Variants in MPHOSPH8 observed in about 807,000 individuals in gnomAD.
MPHOSPH8 encodes the protein M-phase phosphoprotein, mpp.
MPHOSPH8 carries 45 observed loss-of-function variants against 87.3 expected under a neutral mutation model. The ratio of observed to expected loss-of-function variants is 0.52; its 90% confidence interval spans 0.41 to 0.66. The LOEUF (loss-of-function observed/expected upper bound fraction) is 0.66. Ranked by LOEUF, MPHOSPH8 falls within the 30% of genes least tolerant of loss-of-function variation. The pLI is 0.00. For synonymous variants in MPHOSPH8, 366 were observed against 376.9 expected (o/e 0.97, Z 0.33); for missense variants, 883 against 1,020.2 (o/e 0.87, Z 1.83).
chr13:19,657,319 C>A (rs1011583456), intron 5 of MPHOSPH8, among the ~76,000 whole-genome samples: 43 of 151,858 alleles, frequency 2.8e-4, no homozygotes. Flanking sequence ...AGTTCGAGAC[C>A]AGCCTGGCTA....
intron 1 of MPHOSPH8, among the ~76,000 whole-genome samples, chr13:19,637,468 T>C (rs1414904891): frequency 6.6e-6 from 1 of 152,168 alleles, no homozygotes; most frequent in Non-Finnish European, 1.5e-5. Flanking sequence ...TTAAGGGCTA[T>C]GTTGAATAAC....
intron 7 of MPHOSPH8, chr13:19,659,647 G>C: frequency 4.8e-6 from 2 of 417,694 alleles, no homozygotes; most frequent in South Asian, 1.8e-5. Context: ...CTGGGCAACA[G>C]AGCAAGACTC....
Position 19,633,818 on chromosome 13 carries a change from T to C in MPHOSPH8, c.70T>C (p.Leu24=). The change falls in exon 1 of 14, where the codon TTG becomes CTG. Residue 24 remains leucine (L), a synonymous_variant. Transcript: ENST00000361479. ...PVSAADSTEE[L]AEVEEGVGVV... is the part of the protein sequence containing the mutation. ...GTCAGCTGCCGACAGCACTGAGGAG[T>C]TGGCCGAAGTCGAAGAAGGAGTTGG... 3 of 1,610,104 alleles carry C rather than the reference T, an allele frequency of 1.9e-6. No individual in the cohort carries two copies. The highest frequency in any genetic ancestry group is 1.7e-6 in the Non-Finnish European group (2 of 1,178,572).
At chr13:19,655,451 G>C (rs1875105072) in intron 5 of MPHOSPH8, among the ~76,000 whole-genome samples, 1 of 151,978 alleles carries the variant, frequency 6.6e-6, no homozygotes. Flanking sequence ...CTGGGTAACA[G>C]AGTGAGACTC....
intron 7 of MPHOSPH8, among the ~76,000 whole-genome samples, chr13:19,660,259 C>T (rs1348631808): frequency 5.3e-5 from 8 of 151,934 alleles, no homozygotes; most frequent in African/African-American, 1.2e-4. Flanking sequence ...TGAGCCACCG[C>T]GCCTGGCCAC....
chr13:19,646,583 G>A lies in MPHOSPH8; in HGVS notation c.510G>A (p.Lys170=), dbSNP rs972647951. 6 of 1,583,036 alleles carry A rather than the reference G, an allele frequency of 3.8e-6. No individual in the cohort carries two copies. The African/African-American group carries it at 8.3e-5, about 22-fold the overall frequency. ...REEKSPDDLK[K]KKAKAGKLKD... ...AGAAAAGCCCAGATGATCTGAAAAA[G>A]AAAAAAGCAAAGGCCGGGAAGCTAA... The change falls in exon 3 of 14, where the codon AAG becomes AAA. Residue 170 remains lysine (K), a synonymous_variant. Coordinates refer to ENST00000361479, the MANE Select transcript of MPHOSPH8 (RefSeq NM_017520.4).
At position 19,670,880 on chromosome 13, in the gene MPHOSPH8, G is replaced by A. The variant is rs143173607; in HGVS notation, c.2458-326G>A. 143 of 1,035,344 alleles carry A rather than the reference G, an allele frequency of 1.4e-4. No individual in the cohort carries two copies. In the African/African-American group the frequency reaches 1.9e-3, roughly 14 times the overall value. The allele number at this position is 1,035,344 out of a possible 1,614,324, so 64.1% of individuals were successfully genotyped here. A position where few individuals can be genotyped will look rare whatever the true frequency, so the allele number is the denominator to read the frequency against. On this transcript the variant is annotated intron_variant, in intron 12 of 13. Transcript: ENST00000361479. ...GTTGTCCAGGCTGGAGTGCAGTGGC[G>A]CGGATTACAGCTCACTGGAGTCTTG...
At chr13:19,664,619 CAG>C (rs916178878) in intron 9 of MPHOSPH8, among the ~76,000 whole-genome samples, 1 of 152,176 alleles carries the variant, frequency 6.6e-6, no homozygotes, top group African/African-American at 2.4e-5. Context: ...TGTGAAATAA[CAG>C]AAGTCTGTAC....
intron 9 of MPHOSPH8, among the ~76,000 whole-genome samples, chr13:19,665,842 ACAGT>A (rs1024014844): frequency 2.6e-5 from 4 of 152,206 alleles, no homozygotes; most frequent in African/African-American, 9.6e-5. Flanking sequence ...AGACAAGGAG[ACAGT>A]CTGTCAGCTG....
Position 19,646,806 on chromosome 13 carries a change from G to A in MPHOSPH8, c.733G>A (p.Asp245Asn), listed in dbSNP as rs778635541. Residue 245 changes from aspartate to asparagine, a missense_variant, in exon 3 of 14, where the codon GAT (aspartate) becomes AAT (asparagine). Around this residue, in one of 3 missense-constraint regions of MPHOSPH8, gnomAD observed 741 missense variants for 841.5 expected, o/e 0.88. Transcript: ENST00000361479. Reference protein sequence around the residue: ...IRDLKTKTREDPKENRKTKKE... With the variant: ...IRDLKTKTRENPKENRKTKKE... Reference sequence around the variant, plus strand: ...AGATTTAAAGACGAAAACAAGAGAAGATCCCAAAGAAAATAGAAAAACAAA... The same window carrying A: ...AGATTTAAAGACGAAAACAAGAGAAAATCCCAAAGAAAATAGAAAAACAAA... The A allele has an allele frequency of 1.3e-6, 2 of 1,587,750 alleles. No homozygotes were observed. Among genetic ancestry groups the A allele is most frequent in the Admixed American group, 3.8e-5 (2 of 52,932 alleles).
At chr13:19,659,671 A>G (rs1875400719) in intron 7 of MPHOSPH8, 2 of 439,102 alleles carry the variant, frequency 4.6e-6, no homozygotes, top group Non-Finnish European at 9.0e-6. Flanking sequence ...TCTCAAAAAA[A>G]AAAAAAATAA....
At chr13:19,661,641 T>A in intron 7 of MPHOSPH8, 57 bp from the exon 8 acceptor site, 1 of 1,507,680 alleles carries the variant, frequency 6.6e-7, no homozygotes, top group Non-Finnish European at 9.0e-7. Flanking sequence ...GAAGACTTGG[T>A]TCTGAAATTG....
intron 10 of MPHOSPH8, 65 bp downstream of exon 10, chr13:19,666,644 TA>T (rs1875834871): frequency 1.4e-6 from 2 of 1,436,102 alleles, no homozygotes; most frequent in Non-Finnish European, 1.9e-6. Flanking sequence ...GTAGACATAT[TA>T]TAATTGGAGT....
chr13:19,659,760 T>C, intron 7 of MPHOSPH8: 1 of 332,690 alleles, frequency 3.0e-6, no homozygotes, highest in Non-Finnish European at 6.0e-6. Context: ...TCCAACCCCC[T>C]CCCCTCTAAA....
chr13:19,652,817 A>T (rs1415118887), intron 5 of MPHOSPH8, among the ~76,000 whole-genome samples: 1 of 151,980 alleles, frequency 6.6e-6, no homozygotes, highest in Non-Finnish European at 1.5e-5. Flanking sequence ...AGCCTCCGGG[A>T]TGTTCGAACT....
intron 13 of MPHOSPH8, 125 bp downstream of exon 13, chr13:19,671,414 G>T (rs997029846): frequency 1.2e-5 from 9 of 758,880 alleles, no homozygotes; most frequent in Non-Finnish European, 2.0e-5. Flanking sequence ...CACTCCCTGG[G>T]GTAGTGATGC....
Position 19,663,066 on chromosome 13 carries a change from T to C in MPHOSPH8, c.1959T>C (p.Leu653=). ...ACTTTTTAACAACAGTGGCTATTCT[T>C]TTGGAAGCAGGAGCTTTTGTAAATG... ...EKNFLTTVAI[L]LEAGAFVNVQ... The change falls in exon 9 of 14, where the codon CTT becomes CTC. Residue 653 remains leucine (L), a synonymous_variant. Coordinates refer to ENST00000361479, the MANE Select transcript of MPHOSPH8 (RefSeq NM_017520.4). The C allele has an allele frequency of 6.2e-7, 1 of 1,613,934 alleles. No individual in the cohort carries two copies. The highest frequency in any genetic ancestry group is 8.5e-7 in the Non-Finnish European group (1 of 1,179,730).
chr13:19,657,074 A>T (rs1219068466), intron 5 of MPHOSPH8, among the ~76,000 whole-genome samples: 1 of 134,832 alleles, frequency 7.4e-6, no homozygotes, highest in Non-Finnish European at 1.6e-5. Context: ...GTGAGCTGAG[A>T]TAGTGCCACT....
chr13:19,661,729 C>T lies in MPHOSPH8; in HGVS notation c.1823C>T (p.Ala608Val). ...DSSGMTLVML[A>V]AAGGQDDLLR... ...AGTGGAATGACACTGGTGATGCTTG[C>T]CGCCGCCGGAGGGCAGGACGACCTC... The change falls in exon 8 of 14, where the codon GCC becomes GTC. Residue 608 changes from alanine (A) to valine (V), a missense_variant. This residue lies in a region of MPHOSPH8 where 741 missense variants were observed against 841.5 expected (regional missense o/e 0.88). Coordinates refer to ENST00000361479, the MANE Select transcript of MPHOSPH8 (RefSeq NM_017520.4). 1.2e-6 allele frequency: 2 copies of T among 1,609,762 alleles called. No homozygotes were observed. Among genetic ancestry groups the T allele is most frequent in the Non-Finnish European group, 1.7e-6 (2 of 1,177,134 alleles).
Sources: gnomAD v4.1 joint callset for allele counts (sites outside exome capture counted in the v4.1 genomes callset) on GRCh38, gnomAD v4.1.1 for gene constraint, gnomAD v4.1.1 regional missense constraint, MANE v1.5 for transcripts, NCBI Gene and HGNC (gene_info 2026-07-23, HGNC 2026-07-21) for gene names.